The following SUGCT variants were observed in gnomAD, a reference collection of about 807,000 sequenced individuals.
SUGCT encodes the protein succinyl-CoA:glutarate CoA-transferase.
A neutral mutation model predicts 55.0 loss-of-function variants in SUGCT; 41 were observed. The ratio of observed to expected loss-of-function variants is 0.74; its 90% CI spans 0.58 to 0.97. SUGCT has a LOEUF of 0.97. Among genes scored for constraint, SUGCT ranks in the 50% least tolerant of loss-of-function variants. The probability of loss-of-function intolerance (pLI) is 0.00; values close to 1 mark genes in which losing one functional copy is unlikely to be tolerated. For synonymous variants in SUGCT, 187 were observed against 200.4 expected (o/e 0.93, Z 0.56); for missense variants, 568 against 547.8 (o/e 1.04, Z -0.37).
At chr7:40,752,969 A>G (rs565815434) in intron 13 of SUGCT, among the ~76,000 whole-genome samples, 222 of 152,262 alleles carry the variant, frequency 1.5e-3, no homozygotes, top group African/African-American at 5.2e-3. Context: ...CAGATTTGAG[A>G]TGAAATGCAT....
the SUGCT span, among the ~76,000 whole-genome samples, chr7:40,924,010 A>G: frequency 1.3e-5 from 2 of 152,118 alleles, no homozygotes; most frequent in African/African-American, 2.4e-5. Context: ...TAGTGCCCTT[A>G]TAAAAGAGGT....
chr7:40,498,731 A>G, intron 12 of SUGCT, among the ~76,000 whole-genome samples: 1 of 152,208 alleles, frequency 6.6e-6, no homozygotes, highest in East Asian at 1.9e-4. Flanking sequence ...AGGATGGTAA[A>G]CAGCCAATGC....
intron 9 of SUGCT, among the ~76,000 whole-genome samples, chr7:40,373,280 A>G (rs1188481054): frequency 6.6e-6 from 1 of 151,956 alleles, no homozygotes; most frequent in Non-Finnish European, 1.5e-5. Context: ...TAATTAATAT[A>G]TAGAATTCAG....
At chr7:40,769,090 G>A (rs1788955439) in intron 13 of SUGCT, among the ~76,000 whole-genome samples, 1 of 147,848 alleles carries the variant, frequency 6.8e-6, no homozygotes, top group African/African-American at 2.6e-5. Flanking sequence ...TTCTTACATG[G>A]GGAGCAGTAA....
chr7:40,347,950 G>A (rs984637248), intron 9 of SUGCT, among the ~76,000 whole-genome samples: 4 of 152,148 alleles, frequency 2.6e-5, no homozygotes, highest in African/African-American at 7.2e-5. Context: ...CTTTTCTTGG[G>A]AGGTACTTTT....
the SUGCT span, among the ~76,000 whole-genome samples, chr7:40,885,217 G>A: frequency 2.0e-5 from 3 of 152,034 alleles, no homozygotes; most frequent in African/African-American, 7.2e-5. Flanking sequence ...AGGCTCCAGC[G>A]TTTTCACCGT....
intron 11 of SUGCT, among the ~76,000 whole-genome samples, chr7:40,480,331 G>A (rs1790959818): frequency 6.6e-6 from 1 of 152,078 alleles, no homozygotes; most frequent in Non-Finnish European, 1.5e-5. Flanking sequence ...CACTGTAGAT[G>A]CATGGATTTA....
intron 12 of SUGCT, among the ~76,000 whole-genome samples, chr7:40,557,771 T>TAAAAAAAAAAAAAA (rs34029032): frequency 8.6e-6 from 1 of 115,786 alleles, no homozygotes; most frequent in African/African-American, 3.0e-5. Flanking sequence ...AGACTCTGTC[T>TAAAAAAAAAAAAAA]AAAAAAAAAA....
chr7:40,943,831 T>A, the SUGCT span, among the ~76,000 whole-genome samples: 3 of 151,896 alleles, frequency 2.0e-5, no homozygotes, highest in Non-Finnish European at 2.9e-5. Context: ...TATTTCTAGT[T>A]CTAGATCCCT....
chr7:40,654,988 T>A (rs1800948195), intron 12 of SUGCT, among the ~76,000 whole-genome samples: 1 of 152,168 alleles, frequency 6.6e-6, no homozygotes, highest in South Asian at 2.1e-4. Context: ...AAACAACCAA[T>A]GCCTTGATGC....
chr7:40,703,096 C>T (rs1031739423), intron 12 of SUGCT, among the ~76,000 whole-genome samples: 1 of 139,950 alleles, frequency 7.1e-6, no homozygotes, highest in African/African-American at 2.8e-5. Context: ...CAGAGTCTCA[C>T]TCTTGTTGCC....
At chr7:40,830,832 G>T (rs1178524015) in intron 13 of SUGCT, among the ~76,000 whole-genome samples, 1 of 152,178 alleles carries the variant, frequency 6.6e-6, no homozygotes. Context: ...CCTCCATGGG[G>T]TTGATTCTGA....
chr7:40,221,616 G>A (rs1435606444), intron 6 of SUGCT, among the ~76,000 whole-genome samples: 3 of 148,520 alleles, frequency 2.0e-5, no homozygotes, highest in African/African-American at 5.0e-5. Flanking sequence ...TCAACCTCCC[G>A]AGTAGCTGGG....
intron 12 of SUGCT, among the ~76,000 whole-genome samples, chr7:40,617,507 G>A (rs1281251582): frequency 6.6e-6 from 1 of 151,488 alleles, no homozygotes; most frequent in Admixed American, 6.6e-5. Context: ...GTGTGTGTGT[G>A]TGTGTGCATG....
At chr7:40,963,760 G>A in the SUGCT span, among the ~76,000 whole-genome samples, 1 of 141,224 alleles carries the variant, frequency 7.1e-6, no homozygotes, top group Non-Finnish European at 1.6e-5. Flanking sequence ...TGGCAGATGT[G>A]CCTCTAGATC....
At chr7:40,229,077 G>A in intron 6 of SUGCT, among the ~76,000 whole-genome samples, 1 of 152,088 alleles carries the variant, frequency 6.6e-6, no homozygotes, top group East Asian at 1.9e-4. Context: ...GCCCCATCCT[G>A]GAATCAGCCA....
intron 9 of SUGCT, among the ~76,000 whole-genome samples, chr7:40,416,962 A>G (rs1025096612): frequency 6.6e-6 from 1 of 151,910 alleles, no homozygotes; most frequent in African/African-American, 2.4e-5. Context: ...CATTTGGTCT[A>G]TTTTTATCAG....
At chr7:40,738,437 A>T (rs929873180) in intron 12 of SUGCT, among the ~76,000 whole-genome samples, 7 of 152,090 alleles carry the variant, frequency 4.6e-5, no homozygotes, top group South Asian at 4.1e-4. Context: ...AAATCCTGCT[A>T]TTTTCTATTT....
intron 8 of SUGCT, among the ~76,000 whole-genome samples, chr7:40,314,911 C>T (rs1010024629): frequency 1.1e-4 from 16 of 152,020 alleles, no homozygotes; most frequent in South Asian, 2.1e-4. Flanking sequence ...TAATAGAGCC[C>T]GAAGTGTATA....
Sources: allele counts gnomAD v4.1 joint callset (sites outside exome capture counted in the v4.1 genomes callset), GRCh38; gene constraint gnomAD v4.1.1; transcripts MANE v1.5; gene names NCBI Gene and HGNC (gene_info 2026-07-23, HGNC 2026-07-21).